Variants in SHISA9 observed in about 807,000 individuals in gnomAD.
SHISA9 encodes shisa family member 9, also known as protein shisa-9.
In SHISA9, 13 loss-of-function variants were observed where a neutral mutation model predicts 38.0. The observed-to-expected ratio is 0.34, with a 90% confidence interval of 0.22 to 0.54. The LOEUF (loss-of-function observed/expected upper bound fraction) is 0.54, where lower values mean the gene tolerates loss of function less well. Among genes scored for constraint, SHISA9 ranks in the 20% least tolerant of loss-of-function variants. The pLI is 0.91. For missense variants in SHISA9, 538 were observed against 575.8 expected, an observed-to-expected ratio of 0.93 and a Z score of 0.67; for synonymous variants, 275 against 242.0, an observed-to-expected ratio of 1.14 and a Z score of -1.27.
At chr16:13,019,073 G>A (rs995786490) in intron 2 of SHISA9, among the ~76,000 whole-genome samples, 1 of 152,106 alleles carries the variant, frequency 6.6e-6, no homozygotes, top group Non-Finnish European at 1.5e-5. Context: ...GATCTTGGAT[G>A]ATTGCAACCT....
chr16:13,549,877 G>T, the SHISA9 span, among the ~76,000 whole-genome samples: 1 of 152,056 alleles, frequency 6.6e-6, no homozygotes, highest in African/African-American at 2.4e-5. Context: ...CAAAAAATTA[G>T]CTGGGCATGG....
At chr16:13,018,879 C>T (rs917899797) in intron 2 of SHISA9, among the ~76,000 whole-genome samples, 4 of 152,166 alleles carry the variant, frequency 2.6e-5, no homozygotes, top group Admixed American at 6.5e-5. Flanking sequence ...GTCCCAGAAC[C>T]GAAGAACGCT....
chr16:12,966,356 T>A (rs1026314701), intron 2 of SHISA9, among the ~76,000 whole-genome samples: 1 of 143,104 alleles, frequency 7.0e-6, no homozygotes, highest in East Asian at 2.0e-4. Flanking sequence ...TCTCAAATCC[T>A]AAAGCGCTTT....
intron 2 of SHISA9, among the ~76,000 whole-genome samples, chr16:13,125,552 A>G (rs2050249279): frequency 6.6e-6 from 1 of 152,200 alleles, no homozygotes; most frequent in Non-Finnish European, 1.5e-5. Context: ...AATTTGCCAC[A>G]TTCTTACTTT....
intron 2 of SHISA9, among the ~76,000 whole-genome samples, chr16:12,970,367 A>G (rs1436723255): frequency 2.1e-5 from 2 of 94,302 alleles, no homozygotes; most frequent in African/African-American, 4.8e-5. Context: ...ATATATATAT[A>G]TACATATATA....
chr16:13,128,973 A>G (rs2050284295), intron 2 of SHISA9, among the ~76,000 whole-genome samples: 1 of 152,188 alleles, frequency 6.6e-6, no homozygotes, highest in Admixed American at 6.5e-5. Flanking sequence ...CTGTTTACAG[A>G]AGTGGTTTTG....
chr16:13,436,987 T>G, the SHISA9 span, among the ~76,000 whole-genome samples: 1 of 152,150 alleles, frequency 6.6e-6, no homozygotes, highest in African/African-American at 2.4e-5. Context: ...GAACTGCCCT[T>G]TATAAACCGA....
At chr16:12,916,205 T>A (rs1041537299) in intron 1 of SHISA9, among the ~76,000 whole-genome samples, 1 of 152,080 alleles carries the variant, frequency 6.6e-6, no homozygotes, top group African/African-American at 2.4e-5. Context: ...CTGCAAGGAG[T>A]AATAATCCTC....
chr16:12,916,815 C>T lies in SHISA9; in HGVS notation c.691C>T (p.His231Tyr), dbSNP rs1288139077. The T allele has an allele frequency of 2.1e-5, 33 of 1,551,246 alleles. No individual in the cohort carries two copies. The highest frequency in any genetic ancestry group is 2.6e-5 in the Non-Finnish European group (30 of 1,146,776). The change falls in exon 2 of 5, where the codon CAT becomes TAT. Residue 231 changes from histidine to tyrosine, a missense_variant and splice_region_variant. This residue lies in a region of SHISA9 where 326 missense variants were observed against 305.9 expected (regional missense o/e 1.07). Transcript: ENST00000558583. The stretch of plus-strand genomic sequence containing the variant: ...CACGAGAACCCCCATAAATAATCTT[C>T]GTAAGTACAGCTGCATGAACCATTT... Reference protein sequence around the residue: ...MDTRTPINNLHATQMNNAVPT... With the variant: ...MDTRTPINNLYATQMNNAVPT...
intron 1 of SHISA9, among the ~76,000 whole-genome samples, chr16:12,915,755 A>G (rs1243049586): frequency 6.6e-6 from 1 of 152,228 alleles, no homozygotes; most frequent in Non-Finnish European, 1.5e-5. Context: ...GCTAACACTC[A>G]CGTGTGAACA....
At chr16:13,046,869 T>C (rs185978618) in intron 2 of SHISA9, among the ~76,000 whole-genome samples, 1 of 152,194 alleles carries the variant, frequency 6.6e-6, no homozygotes, top group Non-Finnish European at 1.5e-5. Flanking sequence ...CTCAGCCTTA[T>C]GCTTCAGTAG....
At chr16:13,352,167 C>T in the SHISA9 span, among the ~76,000 whole-genome samples, 2 of 152,158 alleles carry the variant, frequency 1.3e-5, no homozygotes, top group African/African-American at 4.8e-5. Flanking sequence ...ATGCCAACTT[C>T]TTATATCTCC....
the SHISA9 span, among the ~76,000 whole-genome samples, chr16:13,497,970 A>T: frequency 5.3e-5 from 8 of 152,174 alleles, no homozygotes; most frequent in Non-Finnish European, 8.8e-5. Context: ...GCATCTGAAG[A>T]GGGAGAAATT....
the SHISA9 span, among the ~76,000 whole-genome samples, chr16:13,342,541 C>G: frequency 2.6e-5 from 4 of 152,210 alleles, no homozygotes; most frequent in Non-Finnish European, 5.9e-5. Flanking sequence ...CCCTCTCGGC[C>G]TTCTGAAGTG....
the SHISA9 span, among the ~76,000 whole-genome samples, chr16:13,402,740 T>C: frequency 1.3e-5 from 2 of 152,130 alleles, no homozygotes; most frequent in East Asian, 3.9e-4. Flanking sequence ...AACCCAGGAA[T>C]AATGTTTTAC....
At chr16:13,553,323 C>T in the SHISA9 span, among the ~76,000 whole-genome samples, 1 of 152,208 alleles carries the variant, frequency 6.6e-6, no homozygotes, top group South Asian at 2.1e-4. Flanking sequence ...TCTATTACCA[C>T]TTCCAATATT....
chr16:13,467,137 G>C, the SHISA9 span, among the ~76,000 whole-genome samples: 3 of 152,148 alleles, frequency 2.0e-5, no homozygotes, highest in African/African-American at 7.2e-5. Context: ...TAGATGGATG[G>C]TGAAGCATTG....
At chr16:13,357,392 G>A in the SHISA9 span, among the ~76,000 whole-genome samples, 1 of 152,142 alleles carries the variant, frequency 6.6e-6, no homozygotes, top group Non-Finnish European at 1.5e-5. Context: ...GGATAGTGAG[G>A]GAGGTTGGAG....
At chr16:13,557,771 T>C in the SHISA9 span, among the ~76,000 whole-genome samples, 1 of 152,164 alleles carries the variant, frequency 6.6e-6, no homozygotes, top group Non-Finnish European at 1.5e-5. Context: ...TGAACGTGAC[T>C]GTGCAGGTCT....
Sources: gnomAD v4.1 joint callset for allele counts (sites outside exome capture counted in the v4.1 genomes callset) on GRCh38, gnomAD v4.1.1 for gene constraint, gnomAD v4.1.1 regional missense constraint, MANE v1.5 for transcripts, NCBI Gene and HGNC (gene_info 2026-07-23, HGNC 2026-07-21) for gene names.